The following ZMYM2 variants were observed in gnomAD, a reference collection of about 807,000 sequenced individuals.
The protein encoded by ZMYM2 is zinc finger MYM-type containing 2, also known as zinc finger MYM-type protein 2.
A neutral mutation model predicts 162.8 loss-of-function variants in ZMYM2; 56 were observed. The ratio of observed to expected loss-of-function variants is 0.34; its 90% CI spans 0.28 to 0.43. ZMYM2 has a LOEUF of 0.43. ZMYM2 is among the 20% of genes least tolerant of loss of function. ZMYM2 has a pLI of 1.00. For missense variants in ZMYM2, 1,275 were observed against 1,621.8 expected (o/e 0.79, Z 3.67); for synonymous variants, 510 against 541.6 (o/e 0.94, Z 0.81).
intron 3 of ZMYM2, 97 bp from the exon 4 acceptor site, chr13:20,002,753 G>C: frequency 6.9e-7 from 1 of 1,449,282 alleles, no homozygotes; most frequent in Non-Finnish European, 9.3e-7. Context: ...TCTTAAAATT[G>C]TACAAAATGG....
At chr13:20,024,286 A>G (rs1427835834) in intron 7 of ZMYM2, 1 of 189,382 alleles carries the variant, frequency 5.3e-6, no homozygotes, top group Non-Finnish European at 1.1e-5. Flanking sequence ...GCCTAACTCC[A>G]TGTTTACTTG....
At chr13:19,898,447 A>G in the ZMYM2 span, among the ~76,000 whole-genome samples, 1 of 151,966 alleles carries the variant, frequency 6.6e-6, no homozygotes, top group Non-Finnish European at 1.5e-5. Context: ...GTTAGCCAGG[A>G]TGGTCTCGAT....
intron 2 of ZMYM2, among the ~76,000 whole-genome samples, chr13:19,991,527 A>C (rs1949619762): frequency 6.6e-6 from 1 of 151,280 alleles, no homozygotes; most frequent in African/African-American, 2.4e-5. Flanking sequence ...TGAGTTTTGA[A>C]CTCTTGAGTT....
chr13:20,063,367 C>T (rs1402723834), intron 18 of ZMYM2, among the ~76,000 whole-genome samples: 1 of 140,818 alleles, frequency 7.1e-6, no homozygotes, highest in Non-Finnish European at 1.5e-5. Flanking sequence ...TGTGCTACTG[C>T]ACTCCAGCTT....
chr13:20,044,017 G>A (rs1404259721), intron 12 of ZMYM2, among the ~76,000 whole-genome samples: 1 of 152,138 alleles, frequency 6.6e-6, no homozygotes, highest in African/African-American at 2.4e-5. Context: ...CCTGCAAGAG[G>A]CCAACAGATT....
rs117570747 is a variant in ZMYM2 at position 20,088,299 on chromosome 13, C to T, written c.*2285C>T. 2.7e-3 allele frequency: 554 copies of T among 207,646 alleles called. 1 individual carries two copies. The highest frequency in any genetic ancestry group is 8.1e-3 in the Middle Eastern group (5 of 620). The allele number at this position is 207,646 out of a possible 1,614,324, so 12.9% of individuals were successfully genotyped here. ...GAACACATTTCATTGATTCTTGGAT[C>T]TTAGTTTATGTGGTCATAGTTGACT... On this transcript the variant is annotated 3_prime_UTR_variant, in exon 25 of 25. Transcript: ENST00000610343.
chr13:19,990,757 C>G (rs139845589), intron 2 of ZMYM2, among the ~76,000 whole-genome samples: 126 of 152,228 alleles, frequency 8.3e-4, no homozygotes, highest in African/African-American at 3.0e-3. Context: ...TCTTTAAGAA[C>G]TATATAGCCA....
At chr13:19,922,193 G>A in the ZMYM2 span, among the ~76,000 whole-genome samples, 6 of 152,128 alleles carry the variant, frequency 3.9e-5, no homozygotes, top group Admixed American at 3.9e-4. Context: ...AGGATTATAG[G>A]CGTGAGCCAC....
At chr13:20,017,757 T>G (rs1367039635) in intron 6 of ZMYM2, among the ~76,000 whole-genome samples, 1 of 152,160 alleles carries the variant, frequency 6.6e-6, no homozygotes, top group African/African-American at 2.4e-5. Context: ...CTTCTGTATA[T>G]CTTCTATTTC....
At chr13:20,032,516 A>G (rs1362352682) in intron 10 of ZMYM2, among the ~76,000 whole-genome samples, 1 of 148,302 alleles carries the variant, frequency 6.7e-6, no homozygotes, top group Non-Finnish European at 1.5e-5. Flanking sequence ...AAAATTTATT[A>G]GGAGCTGTTG....
rs541183809 is a variant in ZMYM2, at chr13:20,038,646, C to T, written c.2292+1737C>T. ...TTGGTCTATGTGTCTGCTTTTGTACCGGTACCATGCTGTTGTGGTTACTGT... is the reference window on the plus strand; with the variant it reads ...TTGGTCTATGTGTCTGCTTTTGTACTGGTACCATGCTGTTGTGGTTACTGT... On this transcript the variant is annotated intron_variant, in intron 12 of 24. Coordinates refer to ENST00000610343, the MANE Select transcript of ZMYM2 (RefSeq NM_197968.4). Among the ~76,000 whole-genome samples, 20 of 152,196 alleles carry T rather than the reference C, an allele frequency of 1.3e-4. No individual in the cohort carries two copies. The South Asian group carries it at 2.3e-3, about 17-fold the overall frequency.
At chr13:19,923,154 T>A in the ZMYM2 span, among the ~76,000 whole-genome samples, 4 of 143,592 alleles carry the variant, frequency 2.8e-5, no homozygotes, top group Non-Finnish European at 4.5e-5. Flanking sequence ...AACTTGAACA[T>A]GGCCAACATG....
the ZMYM2 span, among the ~76,000 whole-genome samples, chr13:19,921,387 G>A: frequency 1.3e-5 from 2 of 152,178 alleles, no homozygotes; most frequent in East Asian, 3.9e-4. Flanking sequence ...TGATCTGCCT[G>A]CTTGGGCCTC....
At position 20,087,230 on chromosome 13, in the gene ZMYM2, ATTGT is replaced by A. The variant is rs939559510; in HGVS notation, c.*1220_*1223del. 2.2e-5 allele frequency: 4 copies of A among 185,354 alleles called. No individual in the cohort carries two copies. The highest frequency in any genetic ancestry group is 4.6e-5 in the Non-Finnish European group (4 of 87,726). The allele number at this position is 185,354 out of a possible 1,614,324, so 11.5% of individuals were successfully genotyped here. A position where few individuals can be genotyped will look rare whatever the true frequency, so the allele number is the denominator to read the frequency against. On this transcript the variant is annotated 3_prime_UTR_variant, in exon 25 of 25. Coordinates refer to ENST00000610343, the MANE Select transcript of ZMYM2 (RefSeq NM_197968.4). The stretch of plus-strand genomic sequence containing the variant: ...CAGAGGAAATCCCATTTAATGTTAG[ATTGT>A]TTGGCTTTTGAAATTACTTCTTATA...
At chr13:19,980,494 A>G (rs953265505) in intron 2 of ZMYM2, among the ~76,000 whole-genome samples, 3 of 151,972 alleles carry the variant, frequency 2.0e-5, no homozygotes, top group Admixed American at 2.0e-4. Flanking sequence ...GCTCACGCTT[A>G]CAATCCCAGC....
At chr13:19,878,055 A>AT in the ZMYM2 span, among the ~76,000 whole-genome samples, 1 of 93,520 alleles carries the variant, frequency 1.1e-5, no homozygotes, top group South Asian at 4.8e-4. Flanking sequence ...CTTTTTGATT[A>AT]CTTTTTTTTT....
At chr13:19,973,466 T>A (rs1956502988) in intron 2 of ZMYM2, among the ~76,000 whole-genome samples, 1 of 149,996 alleles carries the variant, frequency 6.7e-6, no homozygotes, top group Non-Finnish European at 1.5e-5. Context: ...AGGTCAAGAG[T>A]TCAAGACCAG....
intron 17 of ZMYM2, 145 bp downstream of exon 17, chr13:20,061,369 T>TCGACC: frequency 1.4e-6 from 1 of 692,194 alleles, no homozygotes; most frequent in South Asian, 3.0e-5. Context: ...TTTTTTATAT[T>TCGACC]AAGAGATCTA....
intron 19 of ZMYM2, 74 bp downstream of exon 19, chr13:20,064,619 C>T (rs1033209276): frequency 7.8e-6 from 9 of 1,156,282 alleles, no homozygotes; most frequent in Non-Finnish European, 1.1e-6. Context: ...TTTTAGTGTG[C>T]CTGAGAATAT....
Sources: allele counts gnomAD v4.1 joint callset (sites outside exome capture counted in the v4.1 genomes callset), GRCh38; gene constraint gnomAD v4.1.1; transcripts MANE v1.5; gene names NCBI Gene and HGNC (gene_info 2026-07-23, HGNC 2026-07-21).